MTCL1: variants seen among roughly 807,000 people sequenced by gnomAD.
MTCL1 encodes microtubule crosslinking factor 1.
A neutral mutation model predicts 141.4 loss-of-function variants in MTCL1; 79 were observed. The observed-to-expected ratio is 0.56, with a 90% confidence interval of 0.47 to 0.67. The LOEUF (loss-of-function observed/expected upper bound fraction) is 0.67. Among genes scored for constraint, MTCL1 ranks in the 30% least tolerant of loss-of-function variants. The pLI is 0.00. For missense variants in MTCL1, 2,177 were observed against 2,113.9 expected, an observed-to-expected ratio of 1.03 and a Z score of -0.59; for synonymous variants, 914 against 875.8, an observed-to-expected ratio of 1.04 and a Z score of -0.77.
exon 1 of MTCL1, chr18:8,706,323 C>G (rs1253571317): frequency 4.9e-6 from 6 of 1,230,174 alleles, no homozygotes; most frequent in Non-Finnish European, 6.1e-6. Context: ...AACCCCTGTC[C>G]GACGAGCAGC....
intron 7 of MTCL1, among the ~76,000 whole-genome samples, chr18:8,792,562 A>G (rs529606): frequency 0.023 from 3,540 of 152,300 alleles, 141 homozygotes; most frequent in African/African-American, 0.081. Context: ...ATTATGCAAC[A>G]CAGAAAGACC....
At chr18:8,788,812 A>C (rs1450625443) in intron 7 of MTCL1, among the ~76,000 whole-genome samples, 1 of 152,180 alleles carries the variant, frequency 6.6e-6, no homozygotes, top group Non-Finnish European at 1.5e-5. Context: ...CTGACACATC[A>C]ATGCAACCAC....
At chr18:8,801,401 A>G in intron 10 of MTCL1, among the ~76,000 whole-genome samples, 1 of 151,140 alleles carries the variant, frequency 6.6e-6, no homozygotes, top group Non-Finnish European at 1.5e-5. Flanking sequence ...TTCATTCTTC[A>G]GTTTATCCTG....
chr18:8,741,732 C>T (rs522562), intron 4 of MTCL1, among the ~76,000 whole-genome samples: 43,847 of 152,034 alleles, frequency 0.29, 6,494 homozygotes, highest in South Asian at 0.41. Context: ...GCTTGCTGTT[C>T]GGGAGTTTAT....
At chr18:8,745,097 G>A (rs1195678417) in intron 4 of MTCL1, among the ~76,000 whole-genome samples, 1 of 152,182 alleles carries the variant, frequency 6.6e-6, no homozygotes, top group African/African-American at 2.4e-5. Flanking sequence ...GAGATTTTCA[G>A]TTATAAGTAA....
chr18:8,727,002 TC>T (rs2096220048), intron 4 of MTCL1, among the ~76,000 whole-genome samples: 1 of 152,180 alleles, frequency 6.6e-6, no homozygotes, highest in Non-Finnish European at 1.5e-5. Flanking sequence ...CATCTTTGTG[TC>T]TATGTTTACC....
intron 4 of MTCL1, among the ~76,000 whole-genome samples, chr18:8,762,152 G>C (rs892853502): frequency 6.6e-6 from 1 of 152,128 alleles, no homozygotes; most frequent in Non-Finnish European, 1.5e-5. Flanking sequence ...TGGTGTTCAG[G>C]TATAGGTTTG....
chr18:8,775,482 C>T (rs59857745), intron 4 of MTCL1, among the ~76,000 whole-genome samples: 38 of 151,136 alleles, frequency 2.5e-4, no homozygotes, highest in African/African-American at 8.3e-4. Flanking sequence ...CTGAGGCAGG[C>T]GAATCGCTTG....
At chr18:8,771,340 C>A (rs542157589) in intron 4 of MTCL1, among the ~76,000 whole-genome samples, 1 of 152,086 alleles carries the variant, frequency 6.6e-6, no homozygotes, top group Non-Finnish European at 1.5e-5. Flanking sequence ...GAGAAGAAGA[C>A]CTCTGCACCT....
exon 1 of MTCL1, chr18:8,706,294 C>T: frequency 8.1e-7 from 1 of 1,230,098 alleles, no homozygotes; most frequent in Non-Finnish European, 1.0e-6. Flanking sequence ...CAGCTCCGAC[C>T]TCTCTGACTG....
upstream of MTCL1, among the ~76,000 whole-genome samples, chr18:8,713,048 A>G (rs2096104012): frequency 1.3e-5 from 2 of 152,228 alleles, no homozygotes; most frequent in African/African-American, 2.4e-5. Context: ...GGATAAAACT[A>G]TCCTTTTAGA....
intron 4 of MTCL1, among the ~76,000 whole-genome samples, chr18:8,749,907 T>C (rs1400989095): frequency 3.9e-5 from 6 of 152,210 alleles, no homozygotes; most frequent in African/African-American, 1.4e-4. Flanking sequence ...AAAATAAAGC[T>C]TTGCTCTAAG....
Position 8,830,532 on chromosome 18 carries a change from C to T in MTCL1, c.*19-1075C>T. 1.0e-6 allele frequency: 1 copy of T among 986,448 alleles called. No individual in the cohort carries two copies. The highest frequency in any genetic ancestry group is 1.2e-6 in the Non-Finnish European group (1 of 830,676). The allele number at this position is 986,448 out of a possible 1,614,324, so 61.1% of individuals were successfully genotyped here. A position where few individuals can be genotyped will look rare whatever the true frequency, so the allele number is the denominator to read the frequency against. On this transcript the variant is annotated intron_variant, in intron 16 of 16. Coordinates refer to ENST00000359865, the Ensembl canonical transcript of MTCL1. The surrounding 1 kb of genome is among the most constrained non-coding windows in gnomAD (Gnocchi z 6.4). ...GCAGCCGTCTGTCCTTCCCCCGCTG[C>T]TGCTCCCCTGCACCACTGGCTGGGC... is the stretch of plus-strand genomic sequence containing the variant.
At chr18:8,758,315 G>C (rs537972341) in intron 4 of MTCL1, among the ~76,000 whole-genome samples, 15 of 152,208 alleles carry the variant, frequency 9.9e-5, no homozygotes, top group South Asian at 8.3e-4. Flanking sequence ...AAGCCACCAC[G>C]CCTGGCCACA....
chr18:8,738,554 A>G (rs528918036), intron 4 of MTCL1, among the ~76,000 whole-genome samples: 7 of 152,246 alleles, frequency 4.6e-5, no homozygotes, highest in Non-Finnish European at 1.5e-5. Flanking sequence ...AGTTGACCTC[A>G]TATGATTAGC....
rs1398354932 is a variant in MTCL1, at chr18:8,718,659, G to A, written c.198+11G>A. The A allele has an allele frequency of 1.2e-6, 2 of 1,611,866 alleles. No homozygotes were observed. The highest frequency in any genetic ancestry group is 1.7e-6 in the Non-Finnish European group (2 of 1,179,562). ...GAGCAGGACTTGAAGGTGAGTGAGG[G>A]GGTGGTGCGTGCACCTCGCAAGGCT... On this transcript the variant is annotated intron_variant, in intron 3 of 16. Transcript: ENST00000359865.
chr18:8,786,171 C>A, intron 7 of MTCL1, 80 bp downstream of exon 6: 2 of 1,390,402 alleles, frequency 1.4e-6, no homozygotes, highest in South Asian at 1.2e-5. Context: ...GTTTTCTGTC[C>A]CGGACGAGGC....
chr18:8,807,757 A>G (rs937648633), intron 11 of MTCL1, among the ~76,000 whole-genome samples: 1 of 152,164 alleles, frequency 6.6e-6, no homozygotes, highest in Non-Finnish European at 1.5e-5. Context: ...ATTGAATGTC[A>G]TGTGACTTCC....
At chr18:8,733,039 G>A (rs1391622441) in intron 4 of MTCL1, among the ~76,000 whole-genome samples, 1 of 152,240 alleles carries the variant, frequency 6.6e-6, no homozygotes, top group East Asian at 1.9e-4. Context: ...TCTGTGTACT[G>A]TTTAGCACTC....
Sources: gnomAD v4.1 joint callset for allele counts (sites outside exome capture counted in the v4.1 genomes callset) on GRCh38, gnomAD v4.1.1 for gene constraint, Gnocchi (gnomAD v3.1) non-coding constraint, MANE v1.5 for transcripts, NCBI Gene and HGNC (gene_info 2026-07-23, HGNC 2026-07-21) for gene names.